Variants in H2BC12 observed in about 807,000 individuals in gnomAD.
The protein encoded by H2BC12 is H2B clustered histone 12.
In H2BC12, 6 loss-of-function variants were observed where a neutral mutation model predicts 6.3. The observed-to-expected ratio is 0.95, with a 90% CI of 0.52 to 1.87. The LOEUF (loss-of-function observed/expected upper bound fraction) is 1.87. Among genes scored for constraint, H2BC12 ranks in the 40% most tolerant of loss-of-function variants. The pLI, the probability that H2BC12 is intolerant of heterozygous loss-of-function variation, is 0.01. For synonymous variants in H2BC12, 132 were observed against 78.5 expected (o/e 1.68, Z -3.60); for missense variants, 119 against 178.4 (o/e 0.67, Z 1.90).
chr6:27,139,843 G>T, the H2BC12 span: 1 of 682,564 alleles, frequency 1.5e-6, no homozygotes, highest in Non-Finnish European at 2.3e-6. Context: ...GCCTCTGCTG[G>T]CCAGTAACTT....
At chr6:27,139,355 C>T in the H2BC12 span, 2 of 1,613,858 alleles carry the variant, frequency 1.2e-6, no homozygotes, top group South Asian at 2.2e-5. Flanking sequence ...AAAGGGGGTG[C>T]CAAGCGCCAC....
chr6:27,139,760 G>A, the H2BC12 span: 3 of 1,349,696 alleles, frequency 2.2e-6, no homozygotes, highest in Admixed American at 2.9e-5. Context: ...TATTTTACAA[G>A]ATTAACTCGA....
At chr6:27,138,868 C>T in the H2BC12 span, 2 of 153,362 alleles carry the variant, frequency 1.3e-5, no homozygotes, top group Admixed American at 6.5e-5. Context: ...CCTGAACGAT[C>T]TTTAAATTCT....
the H2BC12 span, chr6:27,139,534 C>G: frequency 6.2e-7 from 1 of 1,614,170 alleles, no homozygotes; most frequent in Non-Finnish European, 8.5e-7. Flanking sequence ...CTACACGGAG[C>G]ACGCCAAGCG....
chr6:27,140,569 G>T, the H2BC12 span, among the ~76,000 whole-genome samples: 1 of 151,536 alleles, frequency 6.6e-6, no homozygotes, highest in African/African-American at 2.4e-5. Context: ...GCATTTTCTG[G>T]TTACATGGAA....
chr6:27,142,666 T>C (rs1466735843), downstream of H2BC12, among the ~76,000 whole-genome samples: 1 of 117,308 alleles, frequency 8.5e-6, no homozygotes, highest in African/African-American at 3.7e-5. Flanking sequence ...TGAGACAGTC[T>C]CGCTCTGTCG....
downstream of H2BC12, among the ~76,000 whole-genome samples, chr6:27,142,676 G>A (rs560433456): frequency 9.3e-6 from 1 of 107,880 alleles, no homozygotes; most frequent in Non-Finnish European, 1.7e-5. Flanking sequence ...TCGCTCTGTC[G>A]CCCAGGTTCG....
At chr6:27,139,338 C>T in the H2BC12 span, 3 of 1,613,050 alleles carry the variant, frequency 1.9e-6, no homozygotes, top group South Asian at 1.1e-5. Context: ...GAGGTAAGGG[C>T]CTGGGGAAAG....
chr6:27,146,719 C>A lies in H2BC12; in HGVS notation c.80G>T (p.Gly27Val), dbSNP rs1252757567. Residue 27 changes from glycine to valine, a missense_variant, in exon 1 of 1, where the codon GGC (glycine) becomes GTC (valine). This residue lies in a region of H2BC12 where 50 missense variants were observed against 37.4 expected (regional missense o/e 1.34). Coordinates refer to ENST00000356950, the MANE Select transcript of H2BC12 (RefSeq NM_001312653.2). ...KAVTKAQKKD[G>V]KKRKRSRKES... is the part of the protein sequence containing the mutation. ...CTTGCGGCTGCGCTTGCGCTTCTTG[C>A]CGTCCTTCTTCTGCGCCTTAGTCAC... 3 of 1,614,138 alleles carry A rather than the reference C, an allele frequency of 1.9e-6. No individual in the cohort carries two copies. Among genetic ancestry groups the A allele is most frequent in the East Asian group, 2.2e-5 (1 of 44,900 alleles).
downstream of H2BC12, among the ~76,000 whole-genome samples, chr6:27,144,020 A>G (rs1760038872): frequency 6.6e-6 from 1 of 152,158 alleles, no homozygotes; most frequent in Non-Finnish European, 1.5e-5. Context: ...ATAGATGACA[A>G]AGAGATATAT....
chr6:27,139,703 CAAACTGAGTCTCTT>C, the H2BC12 span: 2 of 1,498,740 alleles, frequency 1.3e-6, no homozygotes, highest in South Asian at 2.7e-5. Context: ...GAAATGACTG[CAAACTGAGTCTCTT>C]AATAGGGCCA....
At position 27,146,571 on chromosome 6, in the gene H2BC12, A is replaced by G; in HGVS notation, c.228T>C (p.Gly76=). The change falls in exon 1 of 1, where the codon GGT becomes GGC. Residue 76 remains glycine, a synonymous_variant. Transcript: ENST00000356950. Reference sequence around the variant, plus strand: ...TGTAATGCGCCAGGCGGGAAGCCTCACCCGCGATGCGTTCGAAGATGTCGT... The same window carrying G: ...TGTAATGCGCCAGGCGGGAAGCCTCGCCCGCGATGCGTTCGAAGATGTCGT... ...FVNDIFERIA[G]EASRLAHYNK... 6.2e-7 allele frequency: 1 copy of G among 1,614,204 alleles called. No homozygotes were observed.
At chr6:27,140,843 T>G in the H2BC12 span, among the ~76,000 whole-genome samples, 1 of 152,090 alleles carries the variant, frequency 6.6e-6, no homozygotes, top group Middle Eastern at 3.4e-3. Flanking sequence ...ATATTCTTTA[T>G]ATATTTGAGT....
At chr6:27,144,296 T>TA (rs1562027375), downstream of H2BC12, among the ~76,000 whole-genome samples, 1 of 152,016 alleles carries the variant, frequency 6.6e-6, no homozygotes, top group Non-Finnish European at 1.5e-5. Flanking sequence ...ACCCCATCTC[T>TA]ACTAAAAATA....
chr6:27,146,309 G>A, downstream of H2BC12: 2 of 1,546,658 alleles, frequency 1.3e-6, no homozygotes, highest in African/African-American at 1.4e-5. Flanking sequence ...AAGATCGCCC[G>A]AATTTAAGCC....
rs1326403500 is a variant in H2BC12 at position 27,146,618 on chromosome 6, C to T, written c.181G>A (p.Gly61Arg). The stretch of plus-strand genomic sequence containing the variant: ...TCGTTGACGAAGGAGTTCATGATTC[C>T]CATGGCCTTAGAGGAGATGCCGGTG... ...PDTGISSKAM[G>R]IMNSFVNDIF... The change falls in exon 1 of 1, where the codon GGA becomes AGA. Residue 61 changes from glycine to arginine, a missense_variant. Gly to Arg is a moderately radical substitution (Grantham distance 125). Transcript: ENST00000356950. 4 of 1,614,262 alleles carry T rather than the reference C, an allele frequency of 2.5e-6. No individual in the cohort carries two copies. Among genetic ancestry groups the T allele is most frequent in the Non-Finnish European group, 3.4e-6 (4 of 1,180,048 alleles).
chr6:27,140,062 TGGC>T, the H2BC12 span, among the ~76,000 whole-genome samples: 1 of 151,682 alleles, frequency 6.6e-6, no homozygotes, highest in Non-Finnish European at 1.5e-5. Flanking sequence ...TAAGAGGACT[TGGC>T]GGGCACAGAG....
the H2BC12 span, chr6:27,139,081 T>G: frequency 4.3e-6 from 2 of 463,878 alleles, no homozygotes; most frequent in Non-Finnish European, 7.6e-6. Flanking sequence ...AGGAATCATG[T>G]TAAATGAAAA....
At chr6:27,139,088 A>G in the H2BC12 span, 3 of 470,714 alleles carry the variant, frequency 6.4e-6, no homozygotes, top group African/African-American at 3.9e-5. Flanking sequence ...ATGTTAAATG[A>G]AAAAAGGAAA....
Sources: allele counts gnomAD v4.1 joint callset (sites outside exome capture counted in the v4.1 genomes callset), GRCh38; gene constraint gnomAD v4.1.1; regional missense constraint gnomAD v4.1.1; transcripts MANE v1.5; gene names NCBI Gene and HGNC (gene_info 2026-07-23, HGNC 2026-07-21).